Variants in C16orf92 observed in about 807,000 individuals in gnomAD.
C16orf92 encodes fertilization-influencing membrane protein 1.
Under a neutral mutation model 13.7 loss-of-function variants are expected in C16orf92, and 14 were observed. The observed-to-expected ratio is 1.02, with a 90% CI of 0.67 to 1.60. The LOEUF (loss-of-function observed/expected upper bound fraction) is 1.60. C16orf92 is among the 40% of genes most tolerant of loss of function. C16orf92 has a pLI of 0.00. For synonymous variants in C16orf92, 50 were observed against 57.4 expected, an observed-to-expected ratio of 0.87 and a Z score of 0.58; for missense variants, 116 against 139.0, an observed-to-expected ratio of 0.83 and a Z score of 0.83.
At chr16:30,026,302 C>G (rs143199746), downstream of C16orf92, among the ~76,000 whole-genome samples, 12 of 152,270 alleles carry the variant, frequency 7.9e-5, no homozygotes, top group East Asian at 2.1e-3. Flanking sequence ...GCATCCCTCT[C>G]ACGGTCCTGC....
chr16:30,026,694 G>A, downstream of C16orf92: 1 of 1,613,958 alleles, frequency 6.2e-7, no homozygotes, highest in Non-Finnish European at 8.5e-7. Context: ...ACGCGCTATG[G>A]CCCACGTGCT....
chr16:30,026,476 C>G (rs546749026), downstream of C16orf92: 60 of 798,376 alleles, frequency 7.5e-5, no homozygotes, highest in Non-Finnish European at 1.2e-4. Context: ...CTGTCCACAG[C>G]TTTCCCTGGG....
rs755461422 is a variant in C16orf92, at chr16:30,024,278, T to C, written c.*51T>C. On this transcript the variant is annotated 3_prime_UTR_variant, in exon 4 of 4. Transcript: ENST00000681219. ...AACCTGAGCACCCACACCCACCTCC[T>C]CTCCTGTTGATGAGCAAAAGTTCCC... is the stretch of plus-strand genomic sequence containing the variant. The C allele has an allele frequency of 4.4e-6, 7 of 1,593,398 alleles. No homozygotes were observed. The highest frequency in any genetic ancestry group is 1.7e-4 in the Middle Eastern group (1 of 5,716).
At chr16:30,027,015 C>G (rs1277049078), downstream of C16orf92, 1 of 697,792 alleles carries the variant, frequency 1.4e-6, no homozygotes, top group Non-Finnish European at 2.6e-6. Context: ...CACAGTCATG[C>G]AGCTAGTAAG....
At chr16:30,023,695 G>T (rs771766885) in intron 1 of C16orf92, 32 bp from the exon 2 acceptor site, 1 of 1,614,122 alleles carries the variant, frequency 6.2e-7, no homozygotes, top group Admixed American at 1.7e-5. Context: ...GGGTCAGCTT[G>T]GCTGTTGTCA....
downstream of C16orf92, chr16:30,025,398 G>A (rs527728685): frequency 9.3e-6 from 15 of 1,611,514 alleles, no homozygotes; most frequent in East Asian, 2.2e-5. This position sits in a 1 kb window ranked among gnomAD's most constrained non-coding sequence, Gnocchi z 4.1. Context: ...AGCAGCACCC[G>A]GCAGCAGAGG....
In C16orf92 at chr16:30,023,286, A is replaced by G. The variant is rs1363485925; in HGVS notation, c.-55A>G. On this transcript the variant is annotated 5_prime_UTR_variant, in exon 1 of 4. Coordinates refer to ENST00000681219, the MANE Select transcript of C16orf92 (RefSeq NM_001109659.2). ...CTTTCTCCCCTCACCCCAAAGTGCC[A>G]TCAGAACAGCTCTGGGCTGTGACAT... 6.6e-7 allele frequency: 1 copy of G among 1,520,016 alleles called. No homozygotes were observed. Among genetic ancestry groups the G allele is most frequent in the African/African-American group, 1.4e-5 (1 of 73,146 alleles). The allele number at this position is 1,520,016 out of a possible 1,614,324, so 94.2% of individuals were successfully genotyped here.
At chr16:30,026,667 T>A, downstream of C16orf92, 1 of 1,613,252 alleles carries the variant, frequency 6.2e-7, no homozygotes, top group Non-Finnish European at 8.5e-7. Flanking sequence ...CATGAGGAAC[T>A]CCTTGTGCAG....
intron 3 of C16orf92, 31 bp downstream of exon 3, chr16:30,024,117 C>T (rs1245179018): frequency 6.2e-7 from 1 of 1,608,078 alleles, no homozygotes; most frequent in African/African-American, 1.3e-5. Flanking sequence ...CCAACCCCAC[C>T]CACCACCACC....
At chr16:30,023,970 G>T (rs1193606976) in intron 2 of C16orf92, 29 bp from the exon 3 acceptor site, 5 of 1,597,538 alleles carry the variant, frequency 3.1e-6, no homozygotes, top group Non-Finnish European at 3.4e-6. Flanking sequence ...GCCATCAGAG[G>T]GGAGTTAAGG....
chr16:30,024,897 T>G, downstream of C16orf92: 2 of 370,308 alleles, frequency 5.4e-6, no homozygotes, highest in East Asian at 4.6e-5. Flanking sequence ...GAAACCCTGT[T>G]GGTGTCCCTC....
chr16:30,025,396 C>T (rs182329248), downstream of C16orf92: 2 of 1,611,316 alleles, frequency 1.2e-6, no homozygotes, highest in African/African-American at 1.3e-5. This position sits in a 1 kb window ranked among gnomAD's most constrained non-coding sequence, Gnocchi z 4.1. Flanking sequence ...AGAGCAGCAC[C>T]CGGCAGCAGA....
chr16:30,025,662 T>C (rs1476605562), downstream of C16orf92: 2 of 1,553,908 alleles, frequency 1.3e-6, no homozygotes, highest in Non-Finnish European at 1.8e-6. The surrounding 1 kb of genome is among the most constrained non-coding windows in gnomAD (Gnocchi z 4.1). Context: ...GCAGCAACCT[T>C]GAAGGTCCCT....
chr16:30,025,910 T>C, downstream of C16orf92: 2 of 1,013,486 alleles, frequency 2.0e-6, no homozygotes, highest in Non-Finnish European at 3.0e-6. The surrounding 1 kb of genome is among the most constrained non-coding windows in gnomAD (Gnocchi z 4.1). Context: ...TCTGTCACTT[T>C]GGGAGATGCT....
At chr16:30,027,453 C>T (rs2071198131), downstream of C16orf92, 4 of 411,596 alleles carry the variant, frequency 9.7e-6, no homozygotes, top group Middle Eastern at 4.3e-4. Context: ...GGCGGTGTGG[C>T]TCCACAGCCC....
chr16:30,025,576 C>G (rs766451826), downstream of C16orf92: 8 of 1,526,156 alleles, frequency 5.2e-6, no homozygotes, highest in Non-Finnish European at 6.3e-6. The surrounding 1 kb of genome is among the most constrained non-coding windows in gnomAD (Gnocchi z 4.1). Flanking sequence ...AAACCAGACA[C>G]TTTGCCAGGA....
chr16:30,026,401 G>A (rs919650569), downstream of C16orf92, among the ~76,000 whole-genome samples: 6 of 152,108 alleles, frequency 3.9e-5, no homozygotes, highest in African/African-American at 1.4e-4. Flanking sequence ...GCCGGGCATC[G>A]TCCAGCCCAG....
downstream of C16orf92, chr16:30,026,777 C>T (rs1567297745): frequency 6.2e-7 from 1 of 1,614,180 alleles, no homozygotes; most frequent in South Asian, 1.1e-5. Flanking sequence ...GACAGAGGAA[C>T]ATGGCGTAGA....
At position 30,024,287 on chromosome 16, in the gene C16orf92, G is replaced by A; in HGVS notation, c.*60G>A. 1 of 1,578,458 alleles carries A rather than the reference G, an allele frequency of 6.3e-7. No homozygotes were observed. The highest frequency in any genetic ancestry group is 8.7e-7 in the Non-Finnish European group (1 of 1,150,678). Reference sequence around the variant, plus strand: ...ACCCACACCCACCTCCTCTCCTGTTGATGAGCAAAAGTTCCCTGCTTTCCT... The same window carrying A: ...ACCCACACCCACCTCCTCTCCTGTTAATGAGCAAAAGTTCCCTGCTTTCCT... On this transcript the variant is annotated 3_prime_UTR_variant, in exon 4 of 4. Coordinates refer to ENST00000681219, the MANE Select transcript of C16orf92 (RefSeq NM_001109659.2).
Sources: allele counts gnomAD v4.1 joint callset (sites outside exome capture counted in the v4.1 genomes callset), GRCh38; gene constraint gnomAD v4.1.1; non-coding constraint Gnocchi (gnomAD v3.1); transcripts MANE v1.5; gene names NCBI Gene and HGNC (gene_info 2026-07-23, HGNC 2026-07-21).